The following TENT4A variants were observed in gnomAD, a reference collection of about 807,000 sequenced individuals.
TENT4A encodes terminal nucleotidyltransferase 4A.
In TENT4A, 7 loss-of-function variants were observed where a neutral mutation model predicts 72.8. The observed-to-expected ratio is 0.10, with a 90% CI of 0.05 to 0.18. The LOEUF is 0.18. Ranked by LOEUF, TENT4A falls within the 10% of genes least tolerant of loss-of-function variation. The probability of loss-of-function intolerance (pLI) is 1.00; values close to 1 mark genes in which losing one functional copy is unlikely to be tolerated. For synonymous variants in TENT4A, 456 were observed against 434.3 expected (o/e 1.05, Z -0.62); for missense variants, 831 against 1,017.7 (o/e 0.82, Z 2.50).
chr5:6,716,032 T>C (rs879383708), intron 1 of TENT4A, among the ~76,000 whole-genome samples: 5 of 152,156 alleles, frequency 3.3e-5, no homozygotes, highest in Non-Finnish European at 7.4e-5. Flanking sequence ...GTAACTGGAA[T>C]GGACTCCGTT....
chr5:6,749,184 T>A (rs971367939), intron 8 of TENT4A, among the ~76,000 whole-genome samples: 4 of 152,150 alleles, frequency 2.6e-5, no homozygotes, highest in African/African-American at 9.7e-5. Context: ...AGCCGCTGTC[T>A]GCTCGGTGTT....
rs530900595 is a variant in TENT4A at position 6,723,382 on chromosome 5, C to T, written c.716+8683C>T. 6.2e-5 allele frequency among the ~76,000 whole-genome samples: 7 copies of T among 113,462 alleles called. No homozygotes were observed. The East Asian group carries it at 1.5e-3, about 24-fold the overall frequency. 74.4% of individuals were successfully genotyped at this position (113,462 alleles called of 152,430 possible). On this transcript the variant is annotated intron_variant, in intron 1 of 12. Coordinates refer to ENST00000230859, the MANE Select transcript of TENT4A (RefSeq NM_006999.6). Reference sequence around the variant, plus strand: ...CTTCTCTCAACAGTCTTCCTGGTCACGAGCACCATTGTGGCTCGTGTGTGG... The same window carrying T: ...CTTCTCTCAACAGTCTTCCTGGTCATGAGCACCATTGTGGCTCGTGTGTGG...
At chr5:6,720,858 A>G (rs1454579285) in intron 1 of TENT4A, among the ~76,000 whole-genome samples, 1 of 151,836 alleles carries the variant, frequency 6.6e-6, no homozygotes, top group Non-Finnish European at 1.5e-5. Flanking sequence ...CCCAAGAGTC[A>G]CCTCTGGAAC....
chr5:6,715,291 T>C (rs1740311018), intron 1 of TENT4A, among the ~76,000 whole-genome samples: 1 of 152,254 alleles, frequency 6.6e-6, no homozygotes, highest in South Asian at 2.1e-4. Context: ...AGATTTGTCA[T>C]ATATGTCTAT....
rs1425845535 is a variant in TENT4A, at chr5:6,754,736, T to C, written c.2185-15T>C. ...GCTGTCTGGCTCCAACACTGCTGTC[T>C]CTCTCTTTCTCCAGCAGCACAACGG... On this transcript the variant is annotated splice_polypyrimidine_tract_variant and intron_variant, in intron 12 of 12. Transcript: ENST00000230859. 6.4e-7 allele frequency: 1 copy of C among 1,557,238 alleles called. No individual in the cohort carries two copies. Among genetic ancestry groups the C allele is most frequent in the South Asian group, 1.2e-5 (1 of 83,902 alleles).
At position 6,713,842 on chromosome 5, in the gene TENT4A, C is replaced by CCCGCCGCCG. The variant is rs541247870; in HGVS notation, c.-124_-116dup. ...GAGCAGGAGGCCGGGGCTCGGCCCG[C>CCCGCCGCCG]CCGCCGCCGCCGCCGCCGCCGCCGC... On this transcript the variant is annotated 5_prime_UTR_variant, in exon 1 of 13. Coordinates refer to ENST00000230859, the MANE Select transcript of TENT4A (RefSeq NM_006999.6). 1,338 of 157,306 alleles carry CCCGCCGCCG rather than the reference C, an allele frequency of 8.5e-3. 19 individuals are homozygous for CCCGCCGCCG. Among genetic ancestry groups the CCCGCCGCCG allele is most frequent in the African/African-American group, 0.031 (1,231 of 39,652 alleles). The allele number at this position is 157,306 out of a possible 1,614,324, so 9.7% of individuals were successfully genotyped here. A position where few individuals can be genotyped will look rare whatever the true frequency, so the allele number is the denominator to read the frequency against.
chr5:6,724,602 A>T lies in TENT4A; in HGVS notation c.716+9903A>T, dbSNP rs148297221. On this transcript the variant is annotated intron_variant, in intron 1 of 12. Coordinates refer to ENST00000230859, the MANE Select transcript of TENT4A (RefSeq NM_006999.6). ...CTCTAAAGGGTAGGAATCTATGGGA[A>T]CTATTCAGGGAGATGAAAGCATGGA... Among the ~76,000 whole-genome samples, 1,260 of 152,276 alleles carry T rather than the reference A, an allele frequency of 8.3e-3. 9 individuals are homozygous for T. The highest frequency in any genetic ancestry group is 0.028 in the African/African-American group (1,162 of 41,556).
intron 1 of TENT4A, among the ~76,000 whole-genome samples, chr5:6,719,717 G>A (rs1027959761): frequency 2.0e-5 from 3 of 152,192 alleles, no homozygotes; most frequent in Admixed American, 2.0e-4. Flanking sequence ...GAGTGAGGTG[G>A]CCAGGATGCC....
intron 12 of TENT4A, 94 bp from the exon 13 acceptor site, chr5:6,754,657 A>C: frequency 1.0e-6 from 1 of 954,182 alleles, no homozygotes; most frequent in Non-Finnish European, 1.5e-6. Context: ...TCTCTATGTA[A>C]CATCACGTCG....
chr5:6,743,272 G>A (rs540295577), intron 5 of TENT4A, among the ~76,000 whole-genome samples: 45 of 152,172 alleles, frequency 3.0e-4, no homozygotes, highest in African/African-American at 1.0e-3. Flanking sequence ...CACCCCAAGC[G>A]CAACACGAAC....
At chr5:6,743,207 C>A (rs1451407752) in intron 5 of TENT4A, among the ~76,000 whole-genome samples, 1 of 152,186 alleles carries the variant, frequency 6.6e-6, no homozygotes, top group South Asian at 2.1e-4. Flanking sequence ...TTTTCAAGGG[C>A]CTTGCTCTTC....
chr5:6,756,047 T>G lies in TENT4A; in HGVS notation c.*1102T>G, dbSNP rs1742679194. 2 of 152,518 alleles carry G rather than the reference T, an allele frequency of 1.3e-5. No individual in the cohort carries two copies. Among genetic ancestry groups the G allele is most frequent in the African/African-American group, 4.8e-5 (2 of 41,450 alleles). 9.4% of individuals were successfully genotyped at this position (152,518 alleles called of 1,614,324 possible). Reference sequence around the variant, plus strand: ...GTTGAGGAATCTGTAGCGTATGCATTCGTTCTGTTAAGAGCAAATCTAGGA... The same window carrying G: ...GTTGAGGAATCTGTAGCGTATGCATGCGTTCTGTTAAGAGCAAATCTAGGA... On this transcript the variant is annotated 3_prime_UTR_variant, in exon 13 of 13. Coordinates refer to ENST00000230859, the MANE Select transcript of TENT4A (RefSeq NM_006999.6).
intron 10 of TENT4A, 122 bp from the exon 11 acceptor site, chr5:6,750,917 C>T (rs1297537956): frequency 5.5e-6 from 6 of 1,086,530 alleles, no homozygotes; most frequent in Non-Finnish European, 8.1e-6. Flanking sequence ...AGAAGTTAGA[C>T]TTAATTTGAA....
rs933628112 is a variant in TENT4A, at chr5:6,714,127, G to A, written c.144G>A (p.Leu48=). Residue 48 remains leucine, a synonymous_variant, in exon 1 of 13, where the codon CTG becomes CTA. Transcript: ENST00000230859. The part of the protein sequence containing the change: ...ASYFCLNSPA[L]DTAAAAGAAG... ...ATTTCTGCCTCAACTCGCCGGCGCTGGACACGGCGGCCGCGGCGGGGGCGG... is the reference window on the plus strand; with the variant it reads ...ATTTCTGCCTCAACTCGCCGGCGCTAGACACGGCGGCCGCGGCGGGGGCGG... 12 of 979,890 alleles carry A rather than the reference G, an allele frequency of 1.2e-5. No individual in the cohort carries two copies. Among genetic ancestry groups the A allele is most frequent in the Non-Finnish European group, 7.2e-6 (6 of 828,024 alleles). The allele number at this position is 979,890 out of a possible 1,614,324, so 60.7% of individuals were successfully genotyped here.
chr5:6,730,368 A>G (rs1363296843), intron 1 of TENT4A, among the ~76,000 whole-genome samples: 1 of 152,178 alleles, frequency 6.6e-6, no homozygotes, highest in Non-Finnish European at 1.5e-5. Context: ...ATTGATTCCT[A>G]AGCTGCAGAG....
intron 11 of TENT4A, among the ~76,000 whole-genome samples, chr5:6,752,362 C>T (rs28381426): frequency 6.6e-6 from 1 of 152,242 alleles, no homozygotes; most frequent in Non-Finnish European, 1.5e-5. Flanking sequence ...AAGATGCAAC[C>T]AGGTCAGTAT....
chr5:6,741,747 T>A (rs968322792), intron 4 of TENT4A, among the ~76,000 whole-genome samples: 2 of 152,252 alleles, frequency 1.3e-5, no homozygotes, highest in African/African-American at 4.8e-5. Flanking sequence ...GCACTGTCCC[T>A]ACGTTGCCTA....
chr5:6,753,146 G>A lies in TENT4A; in HGVS notation c.2184+109G>A, dbSNP rs899986771. 36 of 1,157,898 alleles carry A rather than the reference G, an allele frequency of 3.1e-5. No homozygotes were observed. In the South Asian group the frequency reaches 4.7e-4, roughly 15 times the overall value. 71.7% of individuals were successfully genotyped at this position (1,157,898 alleles called of 1,614,324 possible). ...AATTCCAGAGAGATCATTTGAAAAC[G>A]GAATTTGCTTTGTTGTCATTCAGCC... On this transcript the variant is annotated intron_variant, in intron 12 of 12. Coordinates refer to ENST00000230859, the MANE Select transcript of TENT4A (RefSeq NM_006999.6).
chr5:6,743,692 TTTTCTTTTGGAA>T lies in TENT4A; in HGVS notation c.1117-16_1117-5del. The T allele has an allele frequency of 6.3e-7, 1 of 1,576,378 alleles. No homozygotes were observed. Among genetic ancestry groups the T allele is most frequent in the Non-Finnish European group, 8.7e-7 (1 of 1,149,420 alleles). On this transcript the variant is annotated splice_region_variant and splice_polypyrimidine_tract_variant and intron_variant, in intron 5 of 12. Coordinates refer to ENST00000230859, the MANE Select transcript of TENT4A (RefSeq NM_006999.6). ...AGTATGGTAATTACTCAGTAAATCTTTTTCTTTTGGAATTTACAGAAATATTCATTGCTGCCT... is the reference window on the plus strand; with the variant it reads ...AGTATGGTAATTACTCAGTAAATCTTTTTACAGAAATATTCATTGCTGCCT...
Sources: gnomAD v4.1 joint callset for allele counts (sites outside exome capture counted in the v4.1 genomes callset) on GRCh38, gnomAD v4.1.1 for gene constraint, MANE v1.5 for transcripts, NCBI Gene and HGNC (gene_info 2026-07-23, HGNC 2026-07-21) for gene names.